Variants in MTHFS observed in about 807,000 individuals in gnomAD.
The protein encoded by MTHFS is methenyltetrahydrofolate synthetase.
MTHFS carries 7 observed loss-of-function variants against 12.7 expected under a neutral mutation model. The observed-to-expected ratio is 0.55, with a 90% CI of 0.31 to 1.03. MTHFS has a LOEUF of 1.03. Ranked by LOEUF, MTHFS falls within the 50% of genes least tolerant of loss-of-function variation. The probability of loss-of-function intolerance (pLI) is 0.05; values close to 1 mark genes in which losing one functional copy is unlikely to be tolerated. For missense variants in MTHFS, 252 were observed against 258.1 expected (o/e 0.98, Z 0.16); for synonymous variants, 100 against 97.1 (o/e 1.03, Z -0.18).
intron 2 of MTHFS, among the ~76,000 whole-genome samples, chr15:79,880,210 C>T (rs2034273094): frequency 6.6e-6 from 1 of 152,132 alleles, no homozygotes; most frequent in Non-Finnish European, 1.5e-5. Context: ...GCTGGGACTA[C>T]AGGCACCCAC....
chr15:79,888,643 C>A (rs1054005187), intron 2 of MTHFS, among the ~76,000 whole-genome samples: 1 of 152,128 alleles, frequency 6.6e-6, no homozygotes, highest in Non-Finnish European at 1.5e-5. Flanking sequence ...ACAGGTGGGG[C>A]ATAAGAGAAA....
chr15:79,844,691 G>A lies in MTHFS; in HGVS notation c.*519C>T, dbSNP rs1018543933. 6.6e-6 allele frequency among the ~76,000 whole-genome samples: 1 copy of A among 152,132 alleles called. No homozygotes were observed. The highest frequency in any genetic ancestry group is 1.5e-5 in the Non-Finnish European group (1 of 68,020). On this transcript the variant is annotated 3_prime_UTR_variant, in exon 3 of 3. Transcript: ENST00000258874. ...TCCACTAACCACCAAAAGCTACAAA[G>A]TGTCCAACATAAAATTCTAGAGTGG...
chr15:79,855,787 G>T (rs1456311163), intron 2 of MTHFS, among the ~76,000 whole-genome samples: 5 of 152,066 alleles, frequency 3.3e-5, no homozygotes, highest in African/African-American at 1.2e-4. Flanking sequence ...CTGTTCTTCT[G>T]TTGGTTTGCT....
chr15:79,880,496 C>T (rs992420727), intron 2 of MTHFS, among the ~76,000 whole-genome samples: 1 of 151,946 alleles, frequency 6.6e-6, no homozygotes, highest in African/African-American at 2.4e-5. Context: ...CTTTGCAATA[C>T]TATCAGTCAT....
At chr15:79,886,868 G>A (rs1379608003) in intron 2 of MTHFS, among the ~76,000 whole-genome samples, 1 of 152,156 alleles carries the variant, frequency 6.6e-6, no homozygotes, top group Non-Finnish European at 1.5e-5. Flanking sequence ...ATCTTATAAT[G>A]AATAATTCTG....
rs866197254 is a variant in MTHFS, at chr15:79,883,554, G to C, written c.379+5539C>G. On this transcript the variant is annotated intron_variant, in intron 2 of 2. Transcript: ENST00000258874. ...TATACGTAAAGTGCCAAGTACATAA[G>C]AATTACGGAAGAAAAGGACTAGTAC... is the stretch of plus-strand genomic sequence containing the variant. Among the ~76,000 whole-genome samples, 4 of 152,206 alleles carry C rather than the reference G, an allele frequency of 2.6e-5. No homozygotes were observed. In the South Asian group the frequency reaches 6.2e-4, roughly 24 times the overall value.
intron 2 of MTHFS, among the ~76,000 whole-genome samples, chr15:79,862,014 G>T (rs964617250): frequency 3.3e-5 from 5 of 151,938 alleles, no homozygotes; most frequent in African/African-American, 1.2e-4. Flanking sequence ...CATGTGATTA[G>T]TTAGATGGCA....
At position 79,845,223 on chromosome 15, in the gene MTHFS, G is replaced by A. The variant is rs374158226; in HGVS notation, c.599C>T (p.Ser200Leu). 13 of 1,614,008 alleles carry A rather than the reference G, an allele frequency of 8.1e-6. No individual in the cohort carries two copies. In the Admixed American group the frequency reaches 1.0e-4, roughly 12 times the overall value. Residue 200 changes from serine to leucine, a missense_variant, in exon 3 of 3, where the codon TCG (serine) becomes TTG (leucine). Ser to Leu is a moderately radical substitution (Grantham distance 145, BLOSUM62 -2). Coordinates refer to ENST00000258874, the MANE Select transcript of MTHFS (RefSeq NM_006441.4). ...MKVDEVLYED[S>L]STA ...AGTAATCCAGATTTAAGCTGTTGAC[G>A]AGTCTTCGTAAAGGACTTCATCTAC... is the stretch of plus-strand genomic sequence containing the variant.
At chr15:79,890,257 GC>G (rs1162784149) in intron 1 of MTHFS, among the ~76,000 whole-genome samples, 1 of 113,874 alleles carries the variant, frequency 8.8e-6, no homozygotes, top group East Asian at 3.3e-4. Context: ...TCCCTCTGTT[GC>G]CCAGGCTGGA....
At chr15:79,887,008 G>A (rs1313212883) in intron 2 of MTHFS, among the ~76,000 whole-genome samples, 1 of 152,192 alleles carries the variant, frequency 6.6e-6, no homozygotes, top group Non-Finnish European at 1.5e-5. Flanking sequence ...GCCAGGGCAG[G>A]TGGATCATCT....
intron 2 of MTHFS, among the ~76,000 whole-genome samples, chr15:79,850,639 G>A (rs982733655): frequency 3.9e-5 from 6 of 152,152 alleles, no homozygotes; most frequent in South Asian, 2.1e-4. Flanking sequence ...AGAAGTAGAC[G>A]CAGTGTCAAA....
intron 2 of MTHFS, among the ~76,000 whole-genome samples, chr15:79,870,808 T>C (rs759540949): frequency 1.1e-4 from 17 of 152,212 alleles, no homozygotes. Context: ...TAAACTACTA[T>C]TAATTTTAAA....
intron 2 of MTHFS, among the ~76,000 whole-genome samples, chr15:79,861,905 A>C (rs576871208): frequency 9.8e-4 from 150 of 152,354 alleles, no homozygotes; most frequent in African/African-American, 3.1e-3. Flanking sequence ...AGAAGGATAC[A>C]CAAGTATGTT....
intron 2 of MTHFS, among the ~76,000 whole-genome samples, chr15:79,886,531 CATAA>C (rs1225534878): frequency 1.3e-5 from 2 of 151,710 alleles, no homozygotes; most frequent in African/African-American, 2.4e-5. Context: ...ACAAATATAG[CATAA>C]ATAAATACTA....
intron 2 of MTHFS, among the ~76,000 whole-genome samples, chr15:79,854,113 G>A (rs542691997): frequency 1.3e-4 from 20 of 152,326 alleles, no homozygotes; most frequent in Admixed American, 3.3e-4. Flanking sequence ...CAGGGAGAGC[G>A]CTGCTTATTT....
In MTHFS at chr15:79,843,784, A is replaced by G. The variant is rs1175858033; in HGVS notation, c.*1426T>C. 2.6e-5 allele frequency: 4 copies of G among 152,230 alleles called. No individual in the cohort carries two copies. The highest frequency in any genetic ancestry group is 5.9e-5 in the Non-Finnish European group (4 of 68,044). The allele number at this position is 152,230 out of a possible 1,614,324, so 9.4% of individuals were successfully genotyped here. A position where few individuals can be genotyped will look rare whatever the true frequency, so the allele number is the denominator to read the frequency against. ...GTGAAGGGGACAGATATGACAACAAATAATTTGATACGTAAGACAACATGA... is the reference window on the plus strand; with the variant it reads ...GTGAAGGGGACAGATATGACAACAAGTAATTTGATACGTAAGACAACATGA... On this transcript the variant is annotated 3_prime_UTR_variant, in exon 3 of 3. Transcript: ENST00000258874.
intron 2 of MTHFS, among the ~76,000 whole-genome samples, chr15:79,885,711 A>G (rs181039699): frequency 8.3e-4 from 127 of 152,342 alleles, no homozygotes; most frequent in Non-Finnish European, 7.3e-5. Context: ...TAGGTCCAGG[A>G]CTTTATCGGA....
intron 2 of MTHFS, among the ~76,000 whole-genome samples, chr15:79,858,030 A>AAAAC (rs1357524067): frequency 1.3e-5 from 2 of 150,502 alleles, no homozygotes; most frequent in Non-Finnish European, 2.9e-5. Flanking sequence ...AAAAAAAAAA[A>AAAAC]AAAAACATAA....
intron 2 of MTHFS, among the ~76,000 whole-genome samples, chr15:79,850,895 C>T (rs530417836): frequency 2.6e-5 from 4 of 152,272 alleles, no homozygotes; most frequent in East Asian, 1.9e-4. Context: ...GTTCACCGTA[C>T]AAAACATTCT....
Sources: allele counts gnomAD v4.1 joint callset (sites outside exome capture counted in the v4.1 genomes callset), GRCh38; gene constraint gnomAD v4.1.1; transcripts MANE v1.5; gene names NCBI Gene and HGNC (gene_info 2026-07-23, HGNC 2026-07-21).